CD200R1L: variants seen among roughly 807,000 people sequenced by gnomAD.
CD200R1L encodes the protein CD200 receptor 1 like.
Under a neutral mutation model 24.8 loss-of-function variants are expected in CD200R1L, and 14 were observed. The ratio of observed to expected loss-of-function variants is 0.56; its 90% CI spans 0.37 to 0.88. The LOEUF (loss-of-function observed/expected upper bound fraction) is 0.88, where lower values mean the gene tolerates loss of function less well. CD200R1L is among the 40% of genes least tolerant of loss of function. The pLI, the probability that CD200R1L is intolerant of heterozygous loss-of-function variation, is 0.00. For missense variants in CD200R1L, 299 were observed against 297.8 expected, an observed-to-expected ratio of 1.00 and a Z score of -0.03; for synonymous variants, 111 against 109.2, an observed-to-expected ratio of 1.02 and a Z score of -0.11.
intron 3 of CD200R1L, among the ~76,000 whole-genome samples, chr3:112,831,041 T>C (rs1014268659): frequency 3.3e-5 from 5 of 152,194 alleles, no homozygotes; most frequent in African/African-American, 1.2e-4. Context: ...TCATACAAAC[T>C]AGTTGACTAA....
intron 3 of CD200R1L, among the ~76,000 whole-genome samples, chr3:112,835,562 C>T (rs910564499): frequency 6.6e-6 from 1 of 152,228 alleles, no homozygotes; most frequent in Non-Finnish European, 1.5e-5. Flanking sequence ...GTTTGCGGGA[C>T]CAGTAGCCCA....
chr3:112,818,757 C>T (rs1033649300), intron 7 of CD200R1L: 1 of 154,392 alleles, frequency 6.5e-6, no homozygotes, highest in African/African-American at 2.4e-5. Flanking sequence ...GCAGTTGTTT[C>T]ACATTTGCAA....
intron 3 of CD200R1L, 60 bp from the exon 4 acceptor site, chr3:112,829,444 A>T (rs1414132400): frequency 5.5e-6 from 8 of 1,453,976 alleles, no homozygotes; most frequent in Non-Finnish European, 7.7e-6. Flanking sequence ...AATGGAAACA[A>T]GTGTTTCCCC....
At chr3:112,820,563 T>C (rs944754223) in intron 6 of CD200R1L, among the ~76,000 whole-genome samples, 17 of 152,020 alleles carry the variant, frequency 1.1e-4, no homozygotes, top group African/African-American at 3.6e-4. Context: ...CCAGAGTAGC[T>C]AGGATTACAG....
intron 3 of CD200R1L, among the ~76,000 whole-genome samples, chr3:112,831,253 A>G (rs1053304964): frequency 2.0e-5 from 3 of 152,180 alleles, no homozygotes; most frequent in Admixed American, 2.0e-4. Flanking sequence ...CCTCAGGATA[A>G]TCACCATGAT....
chr3:112,819,367 A>G (rs1391534262), intron 7 of CD200R1L, among the ~76,000 whole-genome samples: 1 of 152,210 alleles, frequency 6.6e-6, no homozygotes, highest in East Asian at 1.9e-4. Context: ...ATAAATTGAC[A>G]TCCAGCTCTT....
chr3:112,836,536 G>A (rs1343467156), intron 3 of CD200R1L, among the ~76,000 whole-genome samples: 1 of 152,218 alleles, frequency 6.6e-6, no homozygotes. Flanking sequence ...AGACCACTCA[G>A]GGGTCTATGC....
At chr3:112,844,238 A>G (rs969842763) in intron 2 of CD200R1L, among the ~76,000 whole-genome samples, 1 of 152,172 alleles carries the variant, frequency 6.6e-6, no homozygotes, top group African/African-American at 2.4e-5. Context: ...CAACCACAGA[A>G]TATCCATTTT....
intron 6 of CD200R1L, among the ~76,000 whole-genome samples, chr3:112,825,136 G>A (rs142300858): frequency 5.3e-4 from 81 of 152,118 alleles, no homozygotes; most frequent in African/African-American, 1.8e-3. Context: ...CTACTCGGGA[G>A]GCTGAGGCAG....
intron 6 of CD200R1L, among the ~76,000 whole-genome samples, chr3:112,821,213 A>G (rs186226955): frequency 6.6e-6 from 1 of 152,356 alleles, no homozygotes; most frequent in African/African-American, 2.4e-5. Context: ...ATGTCAGACA[A>G]TCCTAGGCAT....
intron 3 of CD200R1L, among the ~76,000 whole-genome samples, chr3:112,830,819 G>A (rs1938779239): frequency 6.6e-6 from 1 of 151,844 alleles, no homozygotes; most frequent in Admixed American, 6.6e-5. Context: ...TTGGAGAGGA[G>A]AGAGGAGAGA....
chr3:112,827,728 A>T, intron 4 of CD200R1L, 44 bp from the exon 5 acceptor site: 2 of 1,546,588 alleles, frequency 1.3e-6, no homozygotes, highest in Non-Finnish European at 1.8e-6. Context: ...AACCTTGATA[A>T]GGAACTTCAT....
At chr3:112,844,258 C>T (rs917301630) in intron 2 of CD200R1L, among the ~76,000 whole-genome samples, 1 of 152,174 alleles carries the variant, frequency 6.6e-6, no homozygotes, top group Non-Finnish European at 1.5e-5. Context: ...TTCTCATCTA[C>T]ATATGGAACG....
chr3:112,837,983 G>A lies in CD200R1L; in HGVS notation c.-59C>T. On this transcript the variant is annotated 5_prime_UTR_variant, in exon 3 of 8. Coordinates refer to ENST00000488794, the MANE Select transcript of CD200R1L (RefSeq NM_001199215.3). ...TCTCTAACTTTGTATTTCCAGTTGT[G>A]TCATCAGACAGGAATTATTATCTGA... The A allele has an allele frequency of 8.1e-7, 1 of 1,239,526 alleles. No individual in the cohort carries two copies. The highest frequency in any genetic ancestry group is 1.0e-6 in the Non-Finnish European group (1 of 967,224). 76.8% of individuals were successfully genotyped at this position (1,239,526 alleles called of 1,614,324 possible).
rs1346047612 is a variant in CD200R1L at position 112,846,804 on chromosome 3, C to T, written c.-538G>A. ...TCCTTATAAAAAGAGGAAAACTGGG[C>T]GCATACACAGGAACACCATGTGAAG... is the stretch of plus-strand genomic sequence containing the variant. On this transcript the variant is annotated 5_prime_UTR_variant, in exon 1 of 8. Transcript: ENST00000488794. 2.0e-5 allele frequency: 3 copies of T among 152,100 alleles called. No individual in the cohort carries two copies. Among genetic ancestry groups the T allele is most frequent in the African/African-American group, 2.4e-5 (1 of 41,414 alleles). The allele number at this position is 152,100 out of a possible 1,614,324, so 9.4% of individuals were successfully genotyped here.
intron 6 of CD200R1L, among the ~76,000 whole-genome samples, chr3:112,821,564 C>T (rs112573765): frequency 7.9e-5 from 12 of 152,330 alleles, no homozygotes; most frequent in Admixed American, 3.9e-4. Flanking sequence ...TCCCCTCCAG[C>T]GCACTTTTAC....
chr3:112,819,737 A>G (rs1411805028), intron 7 of CD200R1L, 35 bp downstream of exon 7: 1 of 1,545,260 alleles, frequency 6.5e-7, no homozygotes, highest in Non-Finnish European at 8.7e-7. Context: ...TTTTTTTTCT[A>G]CTGTGTCTTA....
intron 2 of CD200R1L, among the ~76,000 whole-genome samples, chr3:112,838,390 T>A (rs1418174563): frequency 6.7e-6 from 1 of 149,376 alleles, no homozygotes; most frequent in Non-Finnish European, 1.5e-5. Context: ...ATAGACAACC[T>A]CCCCCACTTC....
At position 112,834,407 on chromosome 3, in the gene CD200R1L, G is replaced by A. The variant is rs532839095; in HGVS notation, c.-18+3535C>T. The stretch of plus-strand genomic sequence containing the variant: ...AGTAATTTTAGATTTGTGAGTCTAG[G>A]ATCTTGAGTTTCATAGGGGAGATAC... On this transcript the variant is annotated intron_variant, in intron 3 of 7. Coordinates refer to ENST00000488794, the MANE Select transcript of CD200R1L (RefSeq NM_001199215.3). 1.2e-3 allele frequency among the ~76,000 whole-genome samples: 177 copies of A among 152,042 alleles called. 1 individual carries two copies. Among genetic ancestry groups the A allele is most frequent in the Admixed American group, 5.2e-3 (79 of 15,274 alleles).
Sources: gnomAD v4.1 joint callset for allele counts (sites outside exome capture counted in the v4.1 genomes callset) on GRCh38, gnomAD v4.1.1 for gene constraint, MANE v1.5 for transcripts, NCBI Gene and HGNC (gene_info 2026-07-23, HGNC 2026-07-21) for gene names.